Variants in VIPR2 observed in about 807,000 individuals in gnomAD.
VIPR2 encodes vasoactive intestinal polypeptide receptor 2.
Under a neutral mutation model 58.0 loss-of-function variants are expected in VIPR2, and 48 were observed. That is an observed-to-expected ratio of 0.83 (90% CI 0.66 to 1.05). The LOEUF (loss-of-function observed/expected upper bound fraction) is 1.05. VIPR2 is among the 50% of genes least tolerant of loss of function. The pLI is 0.00. For missense variants in VIPR2, 534 were observed against 558.0 expected (o/e 0.96, Z 0.43); for synonymous variants, 243 against 235.2 (o/e 1.03, Z -0.30).
chr7:159,132,678 A>G (rs1166642679), intron 2 of VIPR2, among the ~76,000 whole-genome samples: 1 of 152,238 alleles, frequency 6.6e-6, no homozygotes, highest in African/African-American at 2.4e-5. Flanking sequence ...TCCACATGAA[A>G]TCATTCACGG....
intron 4 of VIPR2, among the ~76,000 whole-genome samples, chr7:159,071,519 G>A (rs542046405): frequency 4.6e-5 from 7 of 152,242 alleles, no homozygotes; most frequent in East Asian, 3.9e-4. Context: ...CCTGGAGCTC[G>A]GACCCACAAC....
intron 4 of VIPR2, among the ~76,000 whole-genome samples, chr7:159,092,154 A>AC (rs1857541769): frequency 6.6e-6 from 1 of 152,192 alleles, no homozygotes; most frequent in Non-Finnish European, 1.5e-5. Flanking sequence ...AGGGCTTCCC[A>AC]CCTGCACAGA....
At chr7:159,032,088 C>T (rs1221523305) in intron 10 of VIPR2, 21 bp from the exon 11 acceptor site, 2 of 1,613,626 alleles carry the variant, frequency 1.2e-6, no homozygotes, top group Non-Finnish European at 1.7e-6. Flanking sequence ...GGAGATGAGC[C>T]AGCTCAGCTG....
chr7:159,080,453 T>C (rs1361243741), intron 4 of VIPR2, among the ~76,000 whole-genome samples: 1 of 152,216 alleles, frequency 6.6e-6, no homozygotes, highest in Non-Finnish European at 1.5e-5. Context: ...AATTAGGTAT[T>C]GATGGGATGT....
Position 159,094,267 on chromosome 7 carries a change from G to A in VIPR2, c.357+9490C>T, listed in dbSNP as rs116808834. Among the ~76,000 whole-genome samples the A allele has an allele frequency of 4.3e-3, 655 of 152,304 alleles. 2 individuals carry two copies. Among genetic ancestry groups the A allele is most frequent in the African/African-American group, 0.015 (630 of 41,568 alleles). ...AGGCCACGGGGTCTCTGATGAGCAC[G>A]TGGAATCTTGCCCCTTAAATCTTGC... On this transcript the variant is annotated intron_variant, in intron 4 of 12. Coordinates refer to ENST00000262178, the MANE Select transcript of VIPR2 (RefSeq NM_003382.5).
rs932026168 is a variant in VIPR2 at position 159,031,852 on chromosome 7, G to C, written c.1119C>G (p.Val373=). The C allele has an allele frequency of 1.2e-6, 2 of 1,613,998 alleles. No individual in the cohort carries two copies. The highest frequency in any genetic ancestry group is 2.2e-5 in the East Asian group (1 of 44,854). ...LGSFQGLVVA[V]LYCFLNSEVQ... is the part of the protein sequence containing the mutation. ...CCTCACTGTTCAGGAAACAGTAGAG[G>C]ACGGCCACCACCAGGCCCTGCAATG... The change falls in exon 12 of 13, where the codon GTC becomes GTG. Residue 373 remains valine, a synonymous_variant. Coordinates refer to ENST00000262178, the MANE Select transcript of VIPR2 (RefSeq NM_003382.5). The surrounding 1 kb of genome is among the most constrained non-coding windows in gnomAD (Gnocchi z 4.0).
At position 159,099,009 on chromosome 7, in the gene VIPR2, G is replaced by C. The variant is rs73527845; in HGVS notation, c.357+4748C>G. On this transcript the variant is annotated intron_variant, in intron 4 of 12. Transcript: ENST00000262178. This position sits in a 1 kb window ranked among gnomAD's most constrained non-coding sequence, Gnocchi z 4.2. ...TCCACCCCGTGGCTGCCTGGGGCCT[G>C]TTCTGGTGCTTGCAGCCTCCAGAGC... is the stretch of plus-strand genomic sequence containing the variant. Among the ~76,000 whole-genome samples the C allele has an allele frequency of 0.02, 3,094 of 152,344 alleles. 116 individuals are homozygous for C. Among genetic ancestry groups the C allele is most frequent in the African/African-American group, 0.071 (2,952 of 41,574 alleles).
At chr7:159,144,137 T>A (rs930709683) in intron 1 of VIPR2, among the ~76,000 whole-genome samples, 13 of 152,314 alleles carry the variant, frequency 8.5e-5, no homozygotes, top group African/African-American at 3.1e-4. Flanking sequence ...CCTTTTTTTT[T>A]AAGGTTCACA....
intron 4 of VIPR2, among the ~76,000 whole-genome samples, chr7:159,074,529 G>A (rs1167925929): frequency 2.6e-5 from 4 of 152,116 alleles, no homozygotes; most frequent in Non-Finnish European, 5.9e-5. Context: ...TACCAGACAA[G>A]GAATCGGCTG....
intron 10 of VIPR2, among the ~76,000 whole-genome samples, chr7:159,032,362 A>G (rs912002552): frequency 1.3e-5 from 2 of 152,180 alleles, no homozygotes; most frequent in Non-Finnish European, 2.9e-5. Context: ...TGGCAGGGGC[A>G]AGATTCCCTG....
rs903845132 is a variant in VIPR2 at position 159,098,976 on chromosome 7, C to T, written c.357+4781G>A. 5.3e-5 allele frequency among the ~76,000 whole-genome samples: 8 copies of T among 152,156 alleles called. No homozygotes were observed. The highest frequency in any genetic ancestry group is 2.1e-4 in the South Asian group (1 of 4,830). ...CCGGTGGGCAGAGCCGGCCCAGGAC[C>T]GTGCATGTCCACCCCGTGGCTGCCT... On this transcript the variant is annotated intron_variant, in intron 4 of 12. Transcript: ENST00000262178. The surrounding 1 kb of genome is among the most constrained non-coding windows in gnomAD (Gnocchi z 5.2).
At chr7:159,082,213 C>T (rs2129494927) in intron 4 of VIPR2, among the ~76,000 whole-genome samples, 1 of 152,282 alleles carries the variant, frequency 6.6e-6, no homozygotes, top group South Asian at 2.1e-4. Context: ...TTGGAACTAA[C>T]CCAAATGTCC....
At chr7:159,119,641 G>A (rs761543857) in intron 2 of VIPR2, among the ~76,000 whole-genome samples, 5 of 152,224 alleles carry the variant, frequency 3.3e-5, no homozygotes, top group Admixed American at 1.3e-4. Context: ...TCTCCCATGT[G>A]TGTAGTGCCC....
chr7:159,117,511 A>G (rs1332678726), intron 2 of VIPR2: 5 of 682,962 alleles, frequency 7.3e-6, no homozygotes, highest in African/African-American at 7.1e-5. Context: ...TGCTGACCTG[A>G]GTCATGGACA....
In VIPR2 at chr7:159,030,674, T is replaced by G. The variant is rs184356169; in HGVS notation, c.1259A>C (p.Gln420Pro). 354 of 1,566,676 alleles carry G rather than the reference T, an allele frequency of 2.3e-4. 3 individuals are homozygous for G. In the East Asian group the frequency reaches 8.3e-3, roughly 37 times the overall value. ...CTGGGCGCGGGAGCCGCGGTGGAAC[T>G]GCAGGGCGCCCTCCGAGCCGTTGCG... ...FSRNGSEGAL[Q>P]FHRGSRAQSF... Residue 420 changes from glutamine (Q) to proline (P), a missense_variant, in exon 13 of 13, where the codon CAG becomes CCG. Around this residue, in one of 3 missense-constraint regions of VIPR2, gnomAD observed 306 missense variants for 285.8 expected, o/e 1.07. Coordinates refer to ENST00000262178, the MANE Select transcript of VIPR2 (RefSeq NM_003382.5).
rs771376854 is a variant in VIPR2, at chr7:159,034,275, TATA to T, written c.906_908del (p.Ile303del). On this transcript the variant is annotated inframe_deletion, in exon 10 of 13. Coordinates refer to ENST00000262178, the MANE Select transcript of VIPR2 (RefSeq NM_003382.5). The stretch of plus-strand genomic sequence containing the variant: ...ATGTTAACTTCTGCAGCAAAATTCG[TATA>T]ATACTAATGAAAAGGACAAAATTGA... 2 of 1,614,048 alleles carry T rather than the reference TATA, an allele frequency of 1.2e-6. No individual in the cohort carries two copies. Among genetic ancestry groups the T allele is most frequent in the South Asian group, 2.2e-5 (2 of 91,078 alleles).
Position 159,031,377 on chromosome 7 carries a change from C to T in VIPR2, c.1143+451G>A. On this transcript the variant is annotated intron_variant, in intron 12 of 12. Coordinates refer to ENST00000262178, the MANE Select transcript of VIPR2 (RefSeq NM_003382.5). This position sits in a 1 kb window ranked among gnomAD's most constrained non-coding sequence, Gnocchi z 4.0. ...GGCCGTTGGAGCAGCCCGGAGACAG[C>T]CTCCCTGGCTGGGAATGAACGCAGG... The T allele has an allele frequency of 1.1e-6, 1 of 952,124 alleles. No homozygotes were observed. The highest frequency in any genetic ancestry group is 1.3e-6 in the Non-Finnish European group (1 of 799,466). 59.0% of individuals were successfully genotyped at this position (952,124 alleles called of 1,614,324 possible).
chr7:159,036,927 G>C, intron 6 of VIPR2, 25 bp from the exon 7 acceptor site: 1 of 1,604,182 alleles, frequency 6.2e-7, no homozygotes. Flanking sequence ...CAGAGGAGAG[G>C]AAAGCATGAC....
At chr7:159,045,599 A>G (rs906588481) in intron 5 of VIPR2, among the ~76,000 whole-genome samples, 1 of 152,250 alleles carries the variant, frequency 6.6e-6, no homozygotes, top group South Asian at 2.1e-4. Flanking sequence ...TGACCTAGAC[A>G]TAAGAGCTAA....
Sources: allele counts gnomAD v4.1 joint callset (sites outside exome capture counted in the v4.1 genomes callset), GRCh38; gene constraint gnomAD v4.1.1; regional missense constraint gnomAD v4.1.1; non-coding constraint Gnocchi (gnomAD v3.1); transcripts MANE v1.5; gene names NCBI Gene and HGNC (gene_info 2026-07-23, HGNC 2026-07-21).